ZAR1L: variants seen among roughly 807,000 people sequenced by gnomAD.
The protein encoded by ZAR1L is protein ZAR1-like.
In ZAR1L, 16 loss-of-function variants were observed where a neutral mutation model predicts 30.0. The ratio of observed to expected loss-of-function variants is 0.53; its 90% CI spans 0.36 to 0.81. The LOEUF (loss-of-function observed/expected upper bound fraction) is 0.81. Among genes scored for constraint, ZAR1L ranks in the 30% least tolerant of loss-of-function variants. ZAR1L has a pLI of 0.00. For missense variants in ZAR1L, 392 were observed against 417.2 expected (o/e 0.94, Z 0.53); for synonymous variants, 197 against 166.8 (o/e 1.18, Z -1.40).
intron 4 of ZAR1L, among the ~76,000 whole-genome samples, chr13:32,309,585 C>T (rs920554646): frequency 6.6e-6 from 1 of 152,216 alleles, no homozygotes; most frequent in African/African-American, 2.4e-5. Flanking sequence ...CCTGCTTGGA[C>T]ATCAAGCTGT....
At chr13:32,312,862 A>T (rs1298199062) in intron 2 of ZAR1L, among the ~76,000 whole-genome samples, 1 of 152,140 alleles carries the variant, frequency 6.6e-6, no homozygotes, top group Non-Finnish European at 1.5e-5. Context: ...TGGGCAACAG[A>T]GAGAGAAAGA....
chr13:32,308,148 G>A (rs947173197), intron 5 of ZAR1L, among the ~76,000 whole-genome samples: 1 of 152,106 alleles, frequency 6.6e-6, no homozygotes, highest in African/African-American at 2.4e-5. Flanking sequence ...TTTTAACTAA[G>A]GACTTAGGTT....
At chr13:32,313,677 T>A (rs916885771) in intron 2 of ZAR1L, among the ~76,000 whole-genome samples, 5 of 152,130 alleles carry the variant, frequency 3.3e-5, no homozygotes, top group African/African-American at 9.7e-5. Flanking sequence ...GGAAATAATG[T>A]TTTTAAGAAA....
In ZAR1L at chr13:32,303,740, A is replaced by G. The variant is rs991151866; in HGVS notation, c.*139T>C. 3 of 779,342 alleles carry G rather than the reference A, an allele frequency of 3.8e-6. No homozygotes were observed. The African/African-American group carries it at 5.3e-5, about 14-fold the overall frequency. The allele number at this position is 779,342 out of a possible 1,614,324, so 48.3% of individuals were successfully genotyped here. Reference sequence around the variant, plus strand: ...TTATTTTATTCTATTCACATTGTACAATTGTTACACAATCTACAAAAAGTA... The same window carrying G: ...TTATTTTATTCTATTCACATTGTACGATTGTTACACAATCTACAAAAAGTA... On this transcript the variant is annotated 3_prime_UTR_variant, in exon 6 of 6. Transcript: ENST00000533490.
At chr13:32,304,331 C>T (rs2072158871) in intron 5 of ZAR1L, among the ~76,000 whole-genome samples, 1 of 152,154 alleles carries the variant, frequency 6.6e-6, no homozygotes, top group Non-Finnish European at 1.5e-5. Flanking sequence ...ACATTTGTAG[C>T]TGAACCAGTC....
chr13:32,304,526 C>T (rs1006479035), intron 5 of ZAR1L, among the ~76,000 whole-genome samples: 2 of 152,152 alleles, frequency 1.3e-5, no homozygotes, highest in African/African-American at 2.4e-5. Flanking sequence ...ATCTCCAACC[C>T]CAGTGGACAT....
chr13:32,308,692 T>C lies in ZAR1L; in HGVS notation c.816A>G (p.Gln272=), dbSNP rs370953873. Reference sequence around the variant, plus strand: ...AAGTGTTCCATATGCTCACCTGACATTGGATTGCTTCTACTCGATAAGGGT... The same window carrying C: ...AAGTGTTCCATATGCTCACCTGACACTGGATTGCTTCTACTCGATAAGGGT... The part of the protein sequence containing the change: ...SFNPYRVEAI[Q]CQTCSKSHCS... Residue 272 remains glutamine (Q), a synonymous_variant, in exon 5 of 6, where the codon CAA becomes CAG. Transcript: ENST00000533490. 71 of 1,550,528 alleles carry C rather than the reference T, an allele frequency of 4.6e-5. No homozygotes were observed. In the African/African-American group the frequency reaches 8.3e-4, roughly 18 times the overall value.
Position 32,311,444 on chromosome 13 carries a change from G to T in ZAR1L, c.482C>A (p.Ala161Glu). 4 of 1,547,910 alleles carry T rather than the reference G, an allele frequency of 2.6e-6. No homozygotes were observed. The highest frequency in any genetic ancestry group is 3.5e-6 in the Non-Finnish European group (4 of 1,146,840). ...TGGTGGCTGCGGCTGGCTGGCCTCC[G>T]CAGGGCCCGGGAGCGCCTTGCTCTC... ...EAESKALPGP[A>E]EASQPQPPSR... is the part of the protein sequence containing the mutation. The change falls in exon 3 of 6, where the codon GCG becomes GAG. Residue 161 changes from alanine to glutamate, a missense_variant. By Grantham distance (107) the Ala-to-Glu change is moderately radical. Transcript: ENST00000533490.
Position 32,308,735 on chromosome 13 carries a change from T to C in ZAR1L, c.773A>G (p.Lys258Arg). 6.4e-7 allele frequency: 1 copy of C among 1,551,140 alleles called. No individual in the cohort carries two copies. The highest frequency in any genetic ancestry group is 8.7e-7 in the Non-Finnish European group (1 of 1,146,696). Residue 258 changes from lysine (K) to arginine (R), a missense_variant, in exon 5 of 6, where the codon AAA (lysine) becomes AGA (arginine). Transcript: ENST00000533490. The part of the protein sequence containing the change: ...NKVYFKQLCC[K>R]CQKSFNPYRV... ...ATAAGGGTTAAAACTCTTTTGGCATTTACAACAGAGTTGTTTGAAATAAAC... is the reference window on the plus strand; with the variant it reads ...ATAAGGGTTAAAACTCTTTTGGCATCTACAACAGAGTTGTTTGAAATAAAC...
intron 5 of ZAR1L, among the ~76,000 whole-genome samples, chr13:32,305,979 C>G (rs1250088118): frequency 6.6e-6 from 1 of 152,206 alleles, no homozygotes. Context: ...ATGGAGTTCT[C>G]TGACACAGAT....
chr13:32,310,629 T>A lies in ZAR1L; in HGVS notation c.747+10A>T. ...CCATCCTCCTCTCACCTCCTACTCT[T>A]TTTATTTACCTTGTTCGTTCCAGAA... On this transcript the variant is annotated intron_variant, in intron 4 of 5. Transcript: ENST00000533490. The A allele has an allele frequency of 6.5e-7, 1 of 1,542,010 alleles. No individual in the cohort carries two copies. Among genetic ancestry groups the A allele is most frequent in the Non-Finnish European group, 8.8e-7 (1 of 1,138,264 alleles).
rs565737252 is a variant in ZAR1L, at chr13:32,315,315, T to A, written c.-390A>T. The A allele has an allele frequency of 3.3e-5, 5 of 152,362 alleles. No homozygotes were observed. The East Asian group carries it at 9.7e-4, about 29-fold the overall frequency. The allele number at this position is 152,362 out of a possible 1,614,324, so 9.4% of individuals were successfully genotyped here. ...GGGTCAGCGAGAAGAGAACACACAC[T>A]CCAGCTCCCGCTTTATTCGGTCAGA... On this transcript the variant is annotated splice_region_variant and 5_prime_UTR_variant, in exon 1 of 6. Transcript: ENST00000533490.
intron 2 of ZAR1L, among the ~76,000 whole-genome samples, 180 bp downstream of exon 2, chr13:32,314,150 C>T (rs1023928742): frequency 9.2e-5 from 14 of 152,208 alleles, no homozygotes; most frequent in Non-Finnish European, 2.1e-4. Context: ...GAATGCCTAA[C>T]TCATAAAATG....
intron 2 of ZAR1L, among the ~76,000 whole-genome samples, chr13:32,314,056 A>G (rs1031705454): frequency 6.6e-6 from 1 of 152,248 alleles, no homozygotes; most frequent in Non-Finnish European, 1.5e-5. Flanking sequence ...TAACTACTTG[A>G]TTCAGTATCC....
intron 3 of ZAR1L, 31 bp from the exon 4 acceptor site, chr13:32,310,762 T>A: frequency 7.0e-7 from 1 of 1,431,402 alleles, no homozygotes; most frequent in Non-Finnish European, 9.6e-7. Context: ...TACTTTACCA[T>A]CATGCAAGGG....
At chr13:32,309,042 G>A (rs1242577482) in intron 4 of ZAR1L, among the ~76,000 whole-genome samples, 2 of 149,858 alleles carry the variant, frequency 1.3e-5, no homozygotes, top group African/African-American at 4.9e-5. Context: ...CCAGTCTGGA[G>A]TGCAATGGTG....
In ZAR1L at chr13:32,311,728, C is replaced by T. The variant is rs778018735; in HGVS notation, c.198G>A (p.Ala66=). The change falls in exon 3 of 6, where the codon GCG becomes GCA. Residue 66 remains alanine, a synonymous_variant. Transcript: ENST00000533490. ...TCTGGGAGAGAATGGCCTTAAGCTG[C>T]GCCCTCTTGTAAGGGTCAATGCAGT... ...PDYCIDPYKR[A]QLKAILSQMN... 3.4e-5 allele frequency: 53 copies of T among 1,551,528 alleles called. No homozygotes were observed. The highest frequency in any genetic ancestry group is 5.5e-5 in the African/African-American group (4 of 73,048).
At chr13:32,306,829 G>T (rs1170420951) in intron 5 of ZAR1L, among the ~76,000 whole-genome samples, 1 of 151,048 alleles carries the variant, frequency 6.6e-6, no homozygotes, top group Non-Finnish European at 1.5e-5. Flanking sequence ...TACTAGGGAG[G>T]CTGAGGCAGG....
chr13:32,311,568 C>T lies in ZAR1L; in HGVS notation c.358G>A (p.Gly120Ser). 1 of 1,535,718 alleles carries T rather than the reference C, an allele frequency of 6.5e-7. No individual in the cohort carries two copies. The highest frequency in any genetic ancestry group is 1.4e-5 in the African/African-American group (1 of 72,744). The change falls in exon 3 of 6, where the codon GGC (glycine) becomes AGC (serine). Residue 120 changes from glycine (G) to serine (S), a missense_variant. Transcript: ENST00000533490. ...GGCAGGGGCTCCTGGGGGTCTCTGC[C>T]GTCCCAGGGGGAGCAGCTGCTGAGG... ...RTLSSCSPWD[G>S]RDPQEPLPAC...
Sources: gnomAD v4.1 joint callset for allele counts (sites outside exome capture counted in the v4.1 genomes callset) on GRCh38, gnomAD v4.1.1 for gene constraint, MANE v1.5 for transcripts, NCBI Gene and HGNC (gene_info 2026-07-23, HGNC 2026-07-21) for gene names.